Variants in ADCY1 observed in about 807,000 individuals in gnomAD.
ADCY1 encodes the protein adenylate cyclase type 1.
A neutral mutation model predicts 105.4 loss-of-function variants in ADCY1; 28 were observed. That is an observed-to-expected ratio of 0.27 (90% confidence interval 0.20 to 0.36). The LOEUF (loss-of-function observed/expected upper bound fraction) is 0.36, where lower values mean the gene tolerates loss of function less well. ADCY1 is among the 10% of genes least tolerant of loss of function. The pLI is 1.00. For synonymous variants in ADCY1, 655 were observed against 623.8 expected, an observed-to-expected ratio of 1.05 and a Z score of -0.75; for missense variants, 977 against 1,434.2, an observed-to-expected ratio of 0.68 and a Z score of 5.15.
intron 8 of ADCY1, among the ~76,000 whole-genome samples, chr7:45,667,160 G>T (rs1246346970): frequency 3.9e-5 from 6 of 152,010 alleles, no homozygotes; most frequent in South Asian, 2.1e-4. Flanking sequence ...ATTTTGGCTT[G>T]TGTTGCCATT....
At chr7:45,626,816 C>A (rs910449515) in intron 4 of ADCY1, among the ~76,000 whole-genome samples, 1 of 152,182 alleles carries the variant, frequency 6.6e-6, no homozygotes, top group Non-Finnish European at 1.5e-5. Flanking sequence ...ACCAGCCAGG[C>A]AGGAAGGAGG....
In ADCY1 at chr7:45,686,556, C is replaced by T. The variant is rs751166710; in HGVS notation, c.2337C>T (p.Ala779=). Residue 779 remains alanine (A), a synonymous_variant, in exon 14 of 20, where the codon GCC becomes GCT. Transcript: ENST00000297323. The surrounding 1 kb of genome is among the most constrained non-coding windows in gnomAD (Gnocchi z 4.3). The part of the protein sequence containing the change: ...LSGYTRTGGG[A]VSGRSYEPIV... ...CCTCATCTTCCCCCAGGGGTGGTGC[C>T]GTCTCCGGGCGCAGCTACGAGCCGA... 7 of 1,610,804 alleles carry T rather than the reference C, an allele frequency of 4.3e-6. No individual in the cohort carries two copies. The highest frequency in any genetic ancestry group is 1.3e-5 in the African/African-American group (1 of 74,988).
In ADCY1 at chr7:45,610,409, A is replaced by G. The variant is rs1454998430; in HGVS notation, c.820A>G (p.Asn274Asp). 1 of 1,613,874 alleles carries G rather than the reference A, an allele frequency of 6.2e-7. No homozygotes were observed. ...ERLLMSLLPR[N>D]VAMEMKEDFL... is the part of the protein sequence containing the mutation. ...GCTCCTCATGAGCCTCCTGCCCCGG[A>G]ACGTTGCCATGGAGATGAAGGAGGA... The change falls in exon 3 of 20, where the codon AAC becomes GAC. Residue 274 changes from asparagine to aspartate, a missense_variant. Transcript: ENST00000297323.
rs1785344377 is a variant in ADCY1 at position 45,715,623 on chromosome 7, G to T, written c.*1628G>T. 1 of 152,606 alleles carries T rather than the reference G, an allele frequency of 6.6e-6. No individual in the cohort carries two copies. The highest frequency in any genetic ancestry group is 1.5e-5 in the Non-Finnish European group (1 of 68,368). The allele number at this position is 152,606 out of a possible 1,614,324, so 9.5% of individuals were successfully genotyped here. On this transcript the variant is annotated 3_prime_UTR_variant, in exon 20 of 20. Coordinates refer to ENST00000297323, the MANE Select transcript of ADCY1 (RefSeq NM_021116.4). Reference sequence around the variant, plus strand: ...CCGTCAGAGGCAGCCCCCTGCACAGGGAGGGGCTGATCCTGCCTCAGCTGT... The same window carrying T: ...CCGTCAGAGGCAGCCCCCTGCACAGTGAGGGGCTGATCCTGCCTCAGCTGT...
At chr7:45,606,819 G>A (rs955021886) in intron 2 of ADCY1, among the ~76,000 whole-genome samples, 1 of 152,146 alleles carries the variant, frequency 6.6e-6, no homozygotes, top group African/African-American at 2.4e-5. Context: ...TACTTTGTAT[G>A]ATCCATATTC....
chr7:45,604,889 T>C (rs1793333344), intron 2 of ADCY1, among the ~76,000 whole-genome samples: 1 of 152,208 alleles, frequency 6.6e-6, no homozygotes, highest in Non-Finnish European at 1.5e-5. Flanking sequence ...AGGATTTATA[T>C]TAAAACTGTA....
chr7:45,713,045 C>A (rs1011750383), intron 19 of ADCY1, among the ~76,000 whole-genome samples: 4 of 152,298 alleles, frequency 2.6e-5, no homozygotes, highest in Admixed American at 6.5e-5. Flanking sequence ...CGACACCATG[C>A]TGCTGCCCCC....
At chr7:45,625,895 G>C (rs542156776) in intron 4 of ADCY1, among the ~76,000 whole-genome samples, 51 of 152,330 alleles carry the variant, frequency 3.3e-4, no homozygotes, top group African/African-American at 1.2e-3. Flanking sequence ...GTGCATTGCA[G>C]ACACCTGCTG....
At chr7:45,624,484 C>G (rs921022581) in intron 4 of ADCY1, among the ~76,000 whole-genome samples, 4 of 152,028 alleles carry the variant, frequency 2.6e-5, no homozygotes, top group Admixed American at 2.6e-4. Flanking sequence ...AGATCAGCAC[C>G]TTTTACTTTT....
chr7:45,704,716 C>A, intron 17 of ADCY1, 100 bp downstream of exon 17: 1 of 931,264 alleles, frequency 1.1e-6, no homozygotes. Flanking sequence ...GTTTGTTTGC[C>A]CTCTGTGTTG....
chr7:45,589,874 G>A (rs1446987021), intron 1 of ADCY1, among the ~76,000 whole-genome samples: 1 of 152,122 alleles, frequency 6.6e-6, no homozygotes, highest in Admixed American at 6.5e-5. Flanking sequence ...GGCCACGGGG[G>A]TCTGAAGCTT....
At chr7:45,600,857 A>G (rs1480400609) in intron 2 of ADCY1, among the ~76,000 whole-genome samples, 1 of 152,120 alleles carries the variant, frequency 6.6e-6, no homozygotes, top group Non-Finnish European at 1.5e-5. Context: ...TAGGAGGAGA[A>G]GAGGAATGCA....
intron 4 of ADCY1, among the ~76,000 whole-genome samples, chr7:45,644,420 C>T (rs1584297830): frequency 6.6e-6 from 1 of 152,356 alleles, no homozygotes; most frequent in South Asian, 2.1e-4. Flanking sequence ...TCTGTGGCTG[C>T]CTGCTCAGTC....
At chr7:45,702,730 C>T (rs1203904028) in intron 14 of ADCY1, among the ~76,000 whole-genome samples, 1 of 152,252 alleles carries the variant, frequency 6.6e-6, no homozygotes, top group Non-Finnish European at 1.5e-5. Context: ...GGCTGGGACT[C>T]ACCTGCTCCT....
chr7:45,661,083 G>A (rs1795088470), intron 7 of ADCY1, among the ~76,000 whole-genome samples: 2 of 152,116 alleles, frequency 1.3e-5, no homozygotes, highest in South Asian at 4.1e-4. Context: ...TACTGTGTTG[G>A]CTCTTCTTAA....
chr7:45,611,290 G>A (rs1417014355), intron 3 of ADCY1, among the ~76,000 whole-genome samples: 1 of 151,964 alleles, frequency 6.6e-6, no homozygotes, highest in African/African-American at 2.4e-5. Context: ...AGGGAAACAG[G>A]TCCTACGTGT....
At chr7:45,609,110 G>A (rs760345663) in intron 2 of ADCY1, among the ~76,000 whole-genome samples, 36 of 152,276 alleles carry the variant, frequency 2.4e-4, no homozygotes, top group Non-Finnish European at 4.0e-4. Flanking sequence ...GTGGAACAGA[G>A]GGGTGAGGCC....
At chr7:45,657,926 A>T in intron 6 of ADCY1, 41 bp downstream of exon 6, 1 of 1,548,504 alleles carries the variant, frequency 6.5e-7, no homozygotes. Context: ...GAGGTGGGTG[A>T]TGGCTGTGCA....
chr7:45,616,216 C>T (rs916324581), intron 3 of ADCY1, among the ~76,000 whole-genome samples: 1 of 152,152 alleles, frequency 6.6e-6, no homozygotes, highest in Admixed American at 6.5e-5. Flanking sequence ...AAAGTCCAGG[C>T]CCAGATGGTT....
Sources: allele counts gnomAD v4.1 joint callset (sites outside exome capture counted in the v4.1 genomes callset), GRCh38; gene constraint gnomAD v4.1.1; non-coding constraint Gnocchi (gnomAD v3.1); transcripts MANE v1.5; gene names NCBI Gene and HGNC (gene_info 2026-07-23, HGNC 2026-07-21).